The following POTEC variants were observed in gnomAD, a reference collection of about 807,000 sequenced individuals.
POTEC encodes POTE ankyrin domain family member C.
Under a neutral mutation model 62.0 loss-of-function variants are expected in POTEC, and 35 were observed. The observed-to-expected ratio is 0.56, with a 90% CI of 0.43 to 0.75. The LOEUF is 0.75. Among genes scored for constraint, POTEC ranks in the 30% least tolerant of loss-of-function variants. POTEC has a pLI of 0.00. For synonymous variants in POTEC, 156 were observed against 221.5 expected, an observed-to-expected ratio of 0.70 and a Z score of 2.62; for missense variants, 472 against 655.9, an observed-to-expected ratio of 0.72 and a Z score of 3.06.
At chr18:14,540,435 T>G (rs1028277459) in intron 1 of POTEC, among the ~76,000 whole-genome samples, 1 of 152,156 alleles carries the variant, frequency 6.6e-6, no homozygotes, top group African/African-American at 2.4e-5. Flanking sequence ...TTTGATTATA[T>G]TTTCCACATA....
At chr18:14,513,432 C>T (rs1420450553) in intron 10 of POTEC, among the ~76,000 whole-genome samples, 1 of 151,980 alleles carries the variant, frequency 6.6e-6, no homozygotes, top group Non-Finnish European at 1.5e-5. Flanking sequence ...GGTCACTACT[C>T]GACTGTTGCA....
intron 6 of POTEC, 45 bp from the exon 7 acceptor site, chr18:14,525,028 C>T: frequency 6.3e-7 from 1 of 1,581,686 alleles, no homozygotes; most frequent in Non-Finnish European, 8.6e-7. Context: ...CCACTTAGAA[C>T]AGTTAAAAAC....
chr18:14,529,028 A>C (rs1466780534), intron 6 of POTEC: 2 of 454,314 alleles, frequency 4.4e-6, no homozygotes, highest in Admixed American at 2.4e-5. Flanking sequence ...GCCAAACATT[A>C]TTCTTCTGCT....
At chr18:14,527,475 C>T (rs527255505) in intron 6 of POTEC, among the ~76,000 whole-genome samples, 1 of 152,168 alleles carries the variant, frequency 6.6e-6, no homozygotes, top group South Asian at 2.1e-4. Flanking sequence ...TCTTTCTTTT[C>T]TGGAAGCTGT....
At chr18:14,512,953 G>T (rs1229431883) in intron 10 of POTEC, among the ~76,000 whole-genome samples, 2 of 152,048 alleles carry the variant, frequency 1.3e-5, no homozygotes, top group Non-Finnish European at 2.9e-5. Context: ...AACTTACAAG[G>T]CTTTTCTTAG....
rs760606609 is a variant in POTEC, at chr18:14,542,934, G to A, written c.213C>T (p.Cys71=). The A allele has an allele frequency of 3.9e-6, 6 of 1,555,470 alleles. No homozygotes were observed. Among genetic ancestry groups the A allele is most frequent in the South Asian group, 1.2e-5 (1 of 82,448 alleles). The change falls in exon 1 of 11, where the codon TGC becomes TGT. Residue 71 remains cysteine (C), a synonymous_variant. Transcript: ENST00000358970. ...MGKCCHHCFP[C]CRGSGTSNVG... ...CGTTGCTCGTGCCGCTCCCCCTGCAGCAGGGGAAGCAGTGGTGGCAACACT... is the reference window on the plus strand; with the variant it reads ...CGTTGCTCGTGCCGCTCCCCCTGCAACAGGGGAAGCAGTGGTGGCAACACT...
intron 1 of POTEC, among the ~76,000 whole-genome samples, chr18:14,540,285 T>C (rs1905888119): frequency 6.6e-6 from 1 of 152,206 alleles, no homozygotes; most frequent in Admixed American, 6.5e-5. Context: ...TATTTGTATC[T>C]ATGCAAGTAG....
intron 6 of POTEC, among the ~76,000 whole-genome samples, chr18:14,525,692 T>G (rs2143135691): frequency 6.6e-6 from 1 of 151,754 alleles, no homozygotes; most frequent in East Asian, 2.0e-4. Context: ...GGCTCAGGTT[T>G]TTGATGCAAA....
In POTEC at chr18:14,531,267, A is replaced by C. The variant is rs544355753; in HGVS notation, c.1056-714T>G. 3.5e-3 allele frequency among the ~76,000 whole-genome samples: 529 copies of C among 150,630 alleles called. 4 individuals are homozygous for C. Among genetic ancestry groups the C allele is most frequent in the African/African-American group, 0.012 (487 of 40,778 alleles). On this transcript the variant is annotated intron_variant, in intron 5 of 10. Transcript: ENST00000358970. ...ATTGTCCACTATTACGGAGTTGACC[A>C]ATTTGTTGTGCTAAGGGCAGAAAAA...
At chr18:14,542,515 G>A (rs1905971411) in intron 1 of POTEC, 111 bp downstream of exon 1, 13 of 1,532,002 alleles carry the variant, frequency 8.5e-6, no homozygotes, top group Non-Finnish European at 1.2e-5. Flanking sequence ...ACCCAGGGTG[G>A]TGTGGGGCCT....
intron 3 of POTEC, among the ~76,000 whole-genome samples, chr18:14,537,220 A>C (rs72883385): frequency 0.059 from 6,985 of 118,964 alleles, 284 homozygotes; most frequent in Non-Finnish European, 0.078. Context: ...CAAAAAAAAA[A>C]AAAAACAAAA....
chr18:14,516,236 A>G (rs902750683), intron 9 of POTEC, among the ~76,000 whole-genome samples: 4 of 138,810 alleles, frequency 2.9e-5, no homozygotes, highest in African/African-American at 1.1e-4. Flanking sequence ...AGCACAATTC[A>G]CATATGCAAA....
At chr18:14,525,388 G>A (rs1382091865) in intron 6 of POTEC, among the ~76,000 whole-genome samples, 4 of 152,048 alleles carry the variant, frequency 2.6e-5, no homozygotes, top group Admixed American at 1.3e-4. Context: ...ATCAGGCAGG[G>A]CCCAGGAAAG....
chr18:14,518,985 G>A (rs1404202912), intron 9 of POTEC, among the ~76,000 whole-genome samples: 1 of 152,190 alleles, frequency 6.6e-6, no homozygotes, highest in African/African-American at 2.4e-5. Context: ...AAGAATTGAT[G>A]AAAAGGGAAG....
chr18:14,541,968 G>A (rs1440491949), intron 1 of POTEC, among the ~76,000 whole-genome samples: 1 of 152,098 alleles, frequency 6.6e-6, no homozygotes. Flanking sequence ...TTTGATATCT[G>A]GAAAAGCAAG....
intron 4 of POTEC, among the ~76,000 whole-genome samples, chr18:14,534,232 T>C (rs961571583): frequency 2.0e-5 from 3 of 151,432 alleles, no homozygotes; most frequent in Non-Finnish European, 4.4e-5. Flanking sequence ...ATTTCATCTT[T>C]TCTCTTTATC....
chr18:14,533,873 CTCTTT>C (rs1325541855), intron 4 of POTEC, among the ~76,000 whole-genome samples: 1 of 141,400 alleles, frequency 7.1e-6, no homozygotes, highest in Non-Finnish European at 1.5e-5. Context: ...TCTTTTCTCT[CTCTTT>C]TTTTTTTTTC....
intron 3 of POTEC, among the ~76,000 whole-genome samples, chr18:14,536,712 A>G (rs960869111): frequency 6.6e-6 from 1 of 152,162 alleles, no homozygotes; most frequent in East Asian, 1.9e-4. Context: ...TCTCATCCAC[A>G]TAAACAATTC....
rs1392303847 is a variant in POTEC, at chr18:14,510,008, A to T, written c.*1890T>A. On this transcript the variant is annotated 3_prime_UTR_variant, in exon 11 of 11. Transcript: ENST00000358970. ...TCTCATAAGAGCAAGTGGAGCCTAG[A>T]GACATAGCTGTCCCTGCCCTCCAGG... 1.3e-5 allele frequency: 2 copies of T among 149,798 alleles called. No homozygotes were observed. Among genetic ancestry groups the T allele is most frequent in the East Asian group, 4.1e-4 (2 of 4,826 alleles). 9.3% of individuals were successfully genotyped at this position (149,798 alleles called of 1,614,324 possible).
Sources: gnomAD v4.1 joint callset for allele counts (sites outside exome capture counted in the v4.1 genomes callset) on GRCh38, gnomAD v4.1.1 for gene constraint, MANE v1.5 for transcripts, NCBI Gene and HGNC (gene_info 2026-07-23, HGNC 2026-07-21) for gene names.